BCAR1: variants seen among roughly 807,000 people sequenced by gnomAD.
The protein encoded by BCAR1 is BCAR1 scaffold protein, Cas family member, also known as breast cancer anti-estrogen resistance protein 1.
In BCAR1, 30 loss-of-function variants were observed where a neutral mutation model predicts 67.6. The observed-to-expected ratio is 0.44, with a 90% confidence interval of 0.33 to 0.60. The LOEUF is 0.60. Ranked by LOEUF, BCAR1 falls within the 20% of genes least tolerant of loss-of-function variation. BCAR1 has a pLI of 0.02. For missense variants in BCAR1, 1,313 were observed against 1,222.3 expected, an observed-to-expected ratio of 1.07 and a Z score of -1.11; for synonymous variants, 626 against 556.7, an observed-to-expected ratio of 1.12 and a Z score of -1.75.
intron 1 of BCAR1, chr16:75,264,569 A>G: frequency 7.4e-7 from 1 of 1,355,768 alleles, no homozygotes. Context: ...CGGGGCTCAC[A>G]TCAGCACAGT....
intron 5 of BCAR1, 150 bp from the exon 6 acceptor site, chr16:75,234,085 T>A (rs1288567142): frequency 1.5e-6 from 1 of 678,138 alleles, no homozygotes; most frequent in Non-Finnish European, 2.5e-6. Context: ...ACACACACAC[T>A]AGCACACGTG....
chr16:75,257,644 G>A (rs1309868822), intron 1 of BCAR1, among the ~76,000 whole-genome samples: 5 of 152,102 alleles, frequency 3.3e-5, no homozygotes, highest in Non-Finnish European at 7.4e-5. Flanking sequence ...TTGTAGAAAT[G>A]GGGTTTCACT....
intron 1 of BCAR1, among the ~76,000 whole-genome samples, chr16:75,258,365 G>C (rs1436063954): frequency 1.3e-5 from 2 of 152,336 alleles, no homozygotes; most frequent in African/African-American, 4.8e-5. Context: ...TCTCCTCTTG[G>C]ACTGCCCTGA....
intron 1 of BCAR1, 117 bp downstream of exon 1, chr16:75,251,354 C>G: frequency 1.5e-6 from 2 of 1,373,158 alleles, no homozygotes; most frequent in African/African-American, 1.5e-5. Flanking sequence ...GCCGCGGACC[C>G]CGGCCGGCGG....
At chr16:75,250,086 A>AC (rs1363026817) in intron 1 of BCAR1, 1 of 152,370 alleles carries the variant, frequency 6.6e-6, no homozygotes, top group African/African-American at 2.4e-5. Context: ...GGGCCATGGT[A>AC]CCAGTACACA....
intron 1 of BCAR1, chr16:75,264,790 G>T: frequency 2.0e-6 from 1 of 496,100 alleles, no homozygotes; most frequent in Non-Finnish European, 2.9e-6. Flanking sequence ...TCCGGGTGAG[G>T]AGCAGTTCCA....
intron 6 of BCAR1, among the ~76,000 whole-genome samples, chr16:75,230,463 T>C (rs908396076): frequency 1.3e-5 from 2 of 152,060 alleles, no homozygotes; most frequent in African/African-American, 4.8e-5. Flanking sequence ...TTAAAAAAAT[T>C]TTCCCCTTAG....
Position 75,235,647 on chromosome 16 carries a change from G to A in BCAR1, c.1252C>T (p.Arg418Cys), listed in dbSNP as rs1322850546. ...GVYAVPPPAE[R>C]EAPAEGKRLS... Reference sequence around the variant, plus strand: ...CGCTTGCCCTCTGCCGGGGCTTCACGTTCAGCTGGGGGAGGCACCGCATAC... The same window carrying A: ...CGCTTGCCCTCTGCCGGGGCTTCACATTCAGCTGGGGGAGGCACCGCATAC... The change falls in exon 5 of 7, where the codon CGT (arginine) becomes TGT (cysteine). Residue 418 changes from arginine (R) to cysteine (C), a missense_variant. By Grantham distance (180) the Arg-to-Cys change is radical (BLOSUM62 -3). This residue lies in a region of BCAR1 where 1,272 missense variants were observed against 1,137.5 expected (regional missense o/e 1.12). Transcript: ENST00000162330. The A allele has an allele frequency of 2.5e-6, 4 of 1,608,812 alleles. No individual in the cohort carries two copies. Among genetic ancestry groups the A allele is most frequent in the African/African-American group, 1.3e-5 (1 of 74,836 alleles).
chr16:75,238,290 G>A (rs907702158), intron 2 of BCAR1: 1 of 1,156,872 alleles, frequency 8.6e-7, no homozygotes, highest in Non-Finnish European at 1.1e-6. Flanking sequence ...CCAGCCCCCG[G>A]GCACACTGCG....
Position 75,228,570 on chromosome 16 carries a change from C to T in BCAR1, c.*941G>A, listed in dbSNP as rs140461283. On this transcript the variant is annotated 3_prime_UTR_variant, in exon 7 of 7. Transcript: ENST00000162330. ...TTCCATGTGCACTTCGGGAGTTCCGCAGGCTGGGATGAGATTCTTTTAAGC... is the reference window on the plus strand; with the variant it reads ...TTCCATGTGCACTTCGGGAGTTCCGTAGGCTGGGATGAGATTCTTTTAAGC... 1 of 152,352 alleles carries T rather than the reference C, an allele frequency of 6.6e-6. No individual in the cohort carries two copies. Among genetic ancestry groups the T allele is most frequent in the African/African-American group, 2.4e-5 (1 of 41,470 alleles). 9.4% of individuals were successfully genotyped at this position (152,352 alleles called of 1,614,324 possible).
At chr16:75,232,804 T>C (rs914953739) in intron 6 of BCAR1, among the ~76,000 whole-genome samples, 1 of 152,186 alleles carries the variant, frequency 6.6e-6, no homozygotes, top group Admixed American at 6.5e-5. Context: ...CGAGCTCTCA[T>C]GAGGCGGCTG....
At chr16:75,230,593 C>T (rs905480016) in intron 6 of BCAR1, among the ~76,000 whole-genome samples, 22 of 152,210 alleles carry the variant, frequency 1.4e-4, no homozygotes, top group African/African-American at 5.3e-4. Context: ...TCCAGAACCA[C>T]ACACGAAAGT....
At chr16:75,247,632 A>C in intron 1 of BCAR1, 1 of 184,084 alleles carries the variant, frequency 5.4e-6, no homozygotes, top group Non-Finnish European at 1.1e-5. Context: ...GGCGAGTGGT[A>C]AGGGGAGATG....
chr16:75,253,584 C>T (rs2077720024), upstream of BCAR1, among the ~76,000 whole-genome samples: 1 of 152,152 alleles, frequency 6.6e-6, no homozygotes, highest in Non-Finnish European at 1.5e-5. Flanking sequence ...GAGCAGGAGG[C>T]AGCAAGGGAA....
intron 2 of BCAR1, chr16:75,238,845 G>T (rs1432304526): frequency 2.0e-6 from 2 of 985,310 alleles, no homozygotes; most frequent in African/African-American, 3.5e-5. Context: ...GGTTGGCTGG[G>T]CCTCGAGGCA....
rs140168937 is a variant in BCAR1, at chr16:75,243,010, C to T, written c.93G>A (p.Thr31=). 1.2e-4 allele frequency: 191 copies of T among 1,612,832 alleles called. No homozygotes were observed. In the East Asian group the frequency reaches 2.5e-3, roughly 21 times the overall value. Reference sequence around the variant, plus strand: ...GGCCCTGCGTGTCCTGCTCCAGCACCGTCATGATGTCACCCTTGCGGAAGG... The same window carrying T: ...GGCCCTGCGTGTCCTGCTCCAGCACTGTCATGATGTCACCCTTGCGGAAGG... ...ELSFRKGDIM[T]VLEQDTQGLD... The change falls in exon 2 of 7, where the codon ACG becomes ACA. Residue 31 remains threonine, a synonymous_variant. Transcript: ENST00000162330.
intron 1 of BCAR1, chr16:75,267,799 G>T (rs1211126100): frequency 1.8e-6 from 2 of 1,123,812 alleles, no homozygotes; most frequent in Non-Finnish European, 2.6e-6. Context: ...GATGGAGCTG[G>T]ACCCTCCAAT....
chr16:75,258,538 G>C (rs2077829931), intron 1 of BCAR1, among the ~76,000 whole-genome samples: 1 of 152,214 alleles, frequency 6.6e-6, no homozygotes, highest in African/African-American at 2.4e-5. Context: ...GTGTGTTAAG[G>C]GGCACAAACG....
rs878888318 is a variant in BCAR1 at position 75,235,955 on chromosome 16, T to C, written c.944A>G (p.Asp315Gly). 1.3e-6 allele frequency: 2 copies of C among 1,575,708 alleles called. No homozygotes were observed. Among genetic ancestry groups the C allele is most frequent in the Non-Finnish European group, 1.7e-6 (2 of 1,160,068 alleles). Residue 315 changes from aspartate to glycine, a missense_variant, in exon 5 of 7, where the codon GAT (aspartate) becomes GGT (glycine). Coordinates refer to ENST00000162330, the MANE Select transcript of BCAR1 (RefSeq NM_014567.5). The part of the protein sequence containing the change: ...VYDVPPSVSK[D>G]VPDGPLLREE... ...ACGCAGCAGTGGGCCATCGGGCACATCCTTGCTCACCGATGGAGGAACGTC... is the reference window on the plus strand; with the variant it reads ...ACGCAGCAGTGGGCCATCGGGCACACCCTTGCTCACCGATGGAGGAACGTC...
Sources: gnomAD v4.1 joint callset for allele counts (sites outside exome capture counted in the v4.1 genomes callset) on GRCh38, gnomAD v4.1.1 for gene constraint, gnomAD v4.1.1 regional missense constraint, MANE v1.5 for transcripts, NCBI Gene and HGNC (gene_info 2026-07-23, HGNC 2026-07-21) for gene names.